The following SPIDR variants were observed in gnomAD, a reference collection of about 807,000 sequenced individuals.
SPIDR encodes the protein DNA repair-scaffolding protein.
In SPIDR, 93 loss-of-function variants were observed where a neutral mutation model predicts 104.6. The observed-to-expected ratio is 0.89, with a 90% CI of 0.75 to 1.06. SPIDR has a LOEUF of 1.06. SPIDR is among the 50% of genes least tolerant of loss of function. The pLI is 0.00. For missense variants in SPIDR, 1,154 were observed against 1,111.2 expected (o/e 1.04, Z -0.55); for synonymous variants, 431 against 416.9 (o/e 1.03, Z -0.41).
chr8:47,503,444 C>G (rs1034777102), intron 8 of SPIDR, among the ~76,000 whole-genome samples: 2 of 152,076 alleles, frequency 1.3e-5, no homozygotes, highest in African/African-American at 2.4e-5. Context: ...TTTTATCAGA[C>G]ACTAGGATTG....
At chr8:47,376,250 C>T (rs1247054707) in intron 5 of SPIDR, among the ~76,000 whole-genome samples, 1 of 152,154 alleles carries the variant, frequency 6.6e-6, no homozygotes, top group Non-Finnish European at 1.5e-5. Context: ...GTAATGTGAG[C>T]AGCCTTTTGA....
At chr8:47,299,972 C>A (rs373097716) in intron 5 of SPIDR, among the ~76,000 whole-genome samples, 24 of 152,180 alleles carry the variant, frequency 1.6e-4, no homozygotes, top group African/African-American at 3.1e-4. Flanking sequence ...TCATAAAATG[C>A]GTTAGGGAGG....
intron 6 of SPIDR, 84 bp from the exon 7 acceptor site, chr8:47,407,773 CTGGT>C: frequency 1.5e-6 from 1 of 669,982 alleles, no homozygotes; most frequent in Admixed American, 2.7e-5. Flanking sequence ...CTGTTTGTCT[CTGGT>C]TGGGGGGTAT....
chr8:47,373,864 C>T (rs1587865864), intron 5 of SPIDR, among the ~76,000 whole-genome samples: 1 of 152,190 alleles, frequency 6.6e-6, no homozygotes, highest in African/African-American at 2.4e-5. Context: ...TACAAGGGCA[C>T]AGGCCTAGGA....
In SPIDR at chr8:47,735,111, G is replaced by T. The variant is rs199742225; in HGVS notation, c.2605-196G>T. Among the ~76,000 whole-genome samples the T allele has an allele frequency of 4.9e-3, 656 of 135,248 alleles. 3 individuals are homozygous for T. Among genetic ancestry groups the T allele is most frequent in the African/African-American group, 0.015 (521 of 33,850 alleles). The allele number at this position is 135,248 out of a possible 152,430, so 88.7% of individuals were successfully genotyped here. A position where few individuals can be genotyped will look rare whatever the true frequency, so the allele number is the denominator to read the frequency against. ...GGGTGTGTGGGTGTGTGTGTGTGTG[G>T]GTGTGTGTGTGTGTGTGTGTGTGTA... On this transcript the variant is annotated intron_variant, in intron 19 of 19. Transcript: ENST00000297423.
chr8:47,280,289 G>A (rs1215854140), intron 2 of SPIDR, among the ~76,000 whole-genome samples: 2 of 151,000 alleles, frequency 1.3e-5, no homozygotes, highest in African/African-American at 2.4e-5. Flanking sequence ...TGTTGCCCAG[G>A]CTGGAGTACA....
chr8:47,265,095 GT>G (rs1425748300), intron 1 of SPIDR, among the ~76,000 whole-genome samples: 6 of 151,584 alleles, frequency 4.0e-5, no homozygotes, highest in African/African-American at 9.7e-5. Flanking sequence ...GTACCTCATG[GT>G]TCCAGTTTAA....
At chr8:47,399,238 G>A (rs1315307215) in intron 6 of SPIDR, among the ~76,000 whole-genome samples, 1 of 152,174 alleles carries the variant, frequency 6.6e-6, no homozygotes, top group South Asian at 2.1e-4. Flanking sequence ...AGTTGTCTCT[G>A]TCGTGGTGAA....
chr8:47,726,044 C>T (rs1488205917), intron 16 of SPIDR, among the ~76,000 whole-genome samples: 1 of 152,228 alleles, frequency 6.6e-6, no homozygotes, highest in Non-Finnish European at 1.5e-5. Flanking sequence ...TGGGGATGCC[C>T]CGGCTCCTTT....
At chr8:47,536,569 A>G (rs1300586034) in intron 8 of SPIDR, among the ~76,000 whole-genome samples, 1 of 152,204 alleles carries the variant, frequency 6.6e-6, no homozygotes, top group Non-Finnish European at 1.5e-5. Flanking sequence ...ACATCTACAT[A>G]AAAAAGAATG....
intron 8 of SPIDR, among the ~76,000 whole-genome samples, chr8:47,533,265 A>G (rs2086323551): frequency 6.6e-6 from 1 of 152,190 alleles, no homozygotes; most frequent in Non-Finnish European, 1.5e-5. Flanking sequence ...AGATAATAAA[A>G]ATTCTCAACT....
At chr8:47,337,279 A>G (rs1011485271) in intron 5 of SPIDR, among the ~76,000 whole-genome samples, 47 of 152,172 alleles carry the variant, frequency 3.1e-4, no homozygotes, top group Middle Eastern at 3.4e-3. Flanking sequence ...AGAGGGGCCT[A>G]CCACCACCTC....
chr8:47,538,194 A>C (rs2087305271), intron 8 of SPIDR, among the ~76,000 whole-genome samples: 1 of 151,998 alleles, frequency 6.6e-6, no homozygotes, highest in African/African-American at 2.4e-5. Flanking sequence ...ATAAAGAAAA[A>C]ATAGGAGTTC....
intron 5 of SPIDR, among the ~76,000 whole-genome samples, chr8:47,308,280 C>T (rs1292757590): frequency 6.6e-6 from 1 of 151,896 alleles, no homozygotes; most frequent in African/African-American, 2.4e-5. Context: ...CCAGGCTCGT[C>T]TCAAACTCCT....
intron 8 of SPIDR, among the ~76,000 whole-genome samples, chr8:47,565,990 ATATTTTTTTTTTT>A (rs1209760092): frequency 3.4e-5 from 1 of 29,352 alleles, no homozygotes; most frequent in African/African-American, 9.0e-5. Context: ...ATATATATAT[ATATTTTTTTTTTT>A]TTTTTTTTTT....
intron 10 of SPIDR, among the ~76,000 whole-genome samples, chr8:47,668,166 A>G (rs1028793440): frequency 6.6e-6 from 1 of 152,186 alleles, no homozygotes; most frequent in African/African-American, 2.4e-5. Flanking sequence ...TAGAATTTTT[A>G]TCTAAAATTT....
intron 5 of SPIDR, among the ~76,000 whole-genome samples, chr8:47,366,861 A>G (rs782438458): frequency 1.3e-4 from 20 of 152,236 alleles, no homozygotes; most frequent in Admixed American, 3.9e-4. Flanking sequence ...AAAGAATCTC[A>G]GAACTGCATT....
At chr8:47,688,769 G>A (rs542544415) in intron 11 of SPIDR, among the ~76,000 whole-genome samples, 10 of 152,330 alleles carry the variant, frequency 6.6e-5, no homozygotes, top group East Asian at 5.8e-4. Flanking sequence ...TTCCAGGAGC[G>A]GAGTTCAGCC....
At chr8:47,343,511 A>G (rs2051190588) in intron 5 of SPIDR, among the ~76,000 whole-genome samples, 1 of 152,192 alleles carries the variant, frequency 6.6e-6, no homozygotes, top group Non-Finnish European at 1.5e-5. Flanking sequence ...ACAGACAGGT[A>G]GTGAGGGCCA....
Sources: gnomAD v4.1 joint callset for allele counts (sites outside exome capture counted in the v4.1 genomes callset) on GRCh38, gnomAD v4.1.1 for gene constraint, MANE v1.5 for transcripts, NCBI Gene and HGNC (gene_info 2026-07-23, HGNC 2026-07-21) for gene names.